The following TNFSF13 variants were observed in gnomAD, a reference collection of about 807,000 sequenced individuals.
The protein encoded by TNFSF13 is TNF superfamily member 13.
In TNFSF13, 18 loss-of-function variants were observed where a neutral mutation model predicts 30.7. The observed-to-expected ratio is 0.59, with a 90% CI of 0.41 to 0.87. The LOEUF (loss-of-function observed/expected upper bound fraction) is 0.87. Ranked by LOEUF, TNFSF13 falls within the 40% of genes least tolerant of loss-of-function variation. TNFSF13 has a pLI of 0.00. For synonymous variants in TNFSF13, 116 were observed against 123.2 expected (o/e 0.94, Z 0.39); for missense variants, 286 against 308.8 (o/e 0.93, Z 0.55).
At position 7,560,504 on chromosome 17, in the gene TNFSF13, G is replaced by C. The variant is rs781619220; in HGVS notation, c.643+16G>C. ...TATAGCGCAGGTGAGAGCCGTGTGG[G>C]CAGCCGAAAGCAGGACGTCTCTGAC... is the stretch of plus-strand genomic sequence containing the variant. On this transcript the variant is annotated intron_variant, in intron 5 of 5. Coordinates refer to ENST00000338784, the MANE Select transcript of TNFSF13 (RefSeq NM_003808.4). 6.2e-7 allele frequency: 1 copy of C among 1,613,904 alleles called. No homozygotes were observed. The highest frequency in any genetic ancestry group is 2.2e-5 in the East Asian group (1 of 44,872).
In TNFSF13 at chr17:7,559,837, TCTC is replaced by T; in HGVS notation, c.338-5_338-3del. On this transcript the variant is annotated splice_region_variant and splice_polypyrimidine_tract_variant and intron_variant, in intron 2 of 5. Transcript: ENST00000338784. The surrounding 1 kb of genome is among the most constrained non-coding windows in gnomAD (Gnocchi z 5.4). The stretch of plus-strand genomic sequence containing the variant: ...GGATGCGGCTGAGATTCCCTCCTTC[TCTC>T]CTCAGAGCAGCACTCTGTCCTGCAC... 1 of 1,613,926 alleles carries T rather than the reference TCTC, an allele frequency of 6.2e-7. No homozygotes were observed. The highest frequency in any genetic ancestry group is 8.5e-7 in the Non-Finnish European group (1 of 1,179,954).
In TNFSF13 at chr17:7,560,421, T is replaced by C; in HGVS notation, c.576T>C (p.Thr192=). 2 of 1,614,060 alleles carry C rather than the reference T, an allele frequency of 1.2e-6. No homozygotes were observed. Among genetic ancestry groups the C allele is most frequent in the African/African-American group, 1.3e-5 (1 of 75,038 alleles). ...VSREGQGRQE[T]LFRCIRSMPS... is the part of the protein sequence containing the mutation. ...GAGAAGGCCAAGGAAGGCAGGAGAC[T>C]CTATTCCGATGTATAAGAAGTATGC... is the stretch of plus-strand genomic sequence containing the variant. The change falls in exon 5 of 6, where the codon ACT becomes ACC. Residue 192 remains threonine (T), a synonymous_variant. Coordinates refer to ENST00000338784, the MANE Select transcript of TNFSF13 (RefSeq NM_003808.4).
At position 7,561,137 on chromosome 17, in the gene TNFSF13, C is replaced by A; in HGVS notation, c.*304C>A. The A allele has an allele frequency of 7.0e-7, 1 of 1,431,012 alleles. No individual in the cohort carries two copies. Among genetic ancestry groups the A allele is most frequent in the Non-Finnish European group, 9.6e-7 (1 of 1,040,352 alleles). The allele number at this position is 1,431,012 out of a possible 1,614,324, so 88.6% of individuals were successfully genotyped here. A position where few individuals can be genotyped will look rare whatever the true frequency, so the allele number is the denominator to read the frequency against. ...CCCACTGGAAGCATCCAGAACAGCACCACCATCTAGCGGCCGCTCGAGGGA... is the reference window on the plus strand; with the variant it reads ...CCCACTGGAAGCATCCAGAACAGCAACACCATCTAGCGGCCGCTCGAGGGA... On this transcript the variant is annotated 3_prime_UTR_variant, in exon 6 of 6. Coordinates refer to ENST00000338784, the MANE Select transcript of TNFSF13 (RefSeq NM_003808.4). This position sits in a 1 kb window ranked among gnomAD's most constrained non-coding sequence, Gnocchi z 4.4.
rs373266782 is a variant in TNFSF13, at chr17:7,560,161, T to C, written c.498T>C (p.Tyr166=). Reference sequence around the variant, plus strand: ...AGGATGCTGGAGTTTATCTGCTGTATAGCCAGGTAACCCCAGCCACACTCT... The same window carrying C: ...AGGATGCTGGAGTTTATCTGCTGTACAGCCAGGTAACCCCAGCCACACTCT... ...RIQDAGVYLL[Y]SQVLFQDVTF... is the part of the protein sequence containing the mutation. The change falls in exon 4 of 6, where the codon TAT becomes TAC. Residue 166 remains tyrosine (Y), a synonymous_variant. Coordinates refer to ENST00000338784, the MANE Select transcript of TNFSF13 (RefSeq NM_003808.4). The C allele has an allele frequency of 4.3e-6, 7 of 1,614,006 alleles. No homozygotes were observed. Among genetic ancestry groups the C allele is most frequent in the African/African-American group, 4.0e-5 (3 of 74,898 alleles).
chr17:7,561,519 T>G lies in TNFSF13; in HGVS notation c.*686T>G, dbSNP rs924054699. ...GGAGCCTCGGGTGTATCGTACGCCC[T>G]GGTGTTGGTGTTGCCTCACTCCTCT... On this transcript the variant is annotated 3_prime_UTR_variant, in exon 6 of 6. Transcript: ENST00000338784. This position sits in a 1 kb window ranked among gnomAD's most constrained non-coding sequence, Gnocchi z 4.4. 9.4e-5 allele frequency: 17 copies of G among 181,404 alleles called. No individual in the cohort carries two copies. Among genetic ancestry groups the G allele is most frequent in the Admixed American group, 3.8e-4 (7 of 18,444 alleles). 11.2% of individuals were successfully genotyped at this position (181,404 alleles called of 1,614,324 possible). A position where few individuals can be genotyped will look rare whatever the true frequency, so the allele number is the denominator to read the frequency against.
In TNFSF13 at chr17:7,560,821, T is replaced by C. The variant is rs1597835226; in HGVS notation, c.741T>C (p.Phe247=). The change falls in exon 6 of 6, where the codon TTT becomes TTC. Residue 247 remains phenylalanine (F), a synonymous_variant. Coordinates refer to ENST00000338784, the MANE Select transcript of TNFSF13 (RefSeq NM_003808.4). ...CTCCACATGGAACCTTCCTGGGGTT[T>C]GTGAAACTGTGATTGTGTTATAAAA... The part of the protein sequence containing the change: ...NLSPHGTFLG[F]VKL 11 of 1,614,002 alleles carry C rather than the reference T, an allele frequency of 6.8e-6. 1 individual carries two copies.
rs759785077 is a variant in TNFSF13, at chr17:7,561,042, C to G, written c.*209C>G. 6.2e-7 allele frequency: 1 copy of G among 1,613,954 alleles called. No homozygotes were observed. The highest frequency in any genetic ancestry group is 1.3e-5 in the African/African-American group (1 of 74,884). ...TCTTGCTTCTGTTCCCCATGGAGCT[C>G]CGAATTCTTGCGTGTGTGTAGATGA... On this transcript the variant is annotated 3_prime_UTR_variant, in exon 6 of 6. Coordinates refer to ENST00000338784, the MANE Select transcript of TNFSF13 (RefSeq NM_003808.4). This position sits in a 1 kb window ranked among gnomAD's most constrained non-coding sequence, Gnocchi z 4.4.
At chr17:7,558,683 C>T, upstream of TNFSF13, 1 of 167,640 alleles carries the variant, frequency 6.0e-6, no homozygotes, top group Non-Finnish European at 1.3e-5. This position sits in a 1 kb window ranked among gnomAD's most constrained non-coding sequence, Gnocchi z 4.3. Flanking sequence ...CTCTAGCCAG[C>T]CAACCTTCCC....
Position 7,559,746 on chromosome 17 carries a change from G to A in TNFSF13, c.337+44G>A, listed in dbSNP as rs2071145223. 2 of 1,613,748 alleles carry A rather than the reference G, an allele frequency of 1.2e-6. No homozygotes were observed. Among genetic ancestry groups the A allele is most frequent in the Non-Finnish European group, 1.7e-6 (2 of 1,179,888 alleles). On this transcript the variant is annotated intron_variant, in intron 2 of 5. Coordinates refer to ENST00000338784, the MANE Select transcript of TNFSF13 (RefSeq NM_003808.4). This position sits in a 1 kb window ranked among gnomAD's most constrained non-coding sequence, Gnocchi z 5.4. Reference sequence around the variant, plus strand: ...AGCAGGGGTGGGAGGTGATCAAGCAGCGTGGGGATTGTAAGCCCGAGTCAG... The same window carrying A: ...AGCAGGGGTGGGAGGTGATCAAGCAACGTGGGGATTGTAAGCCCGAGTCAG...
chr17:7,559,667 G>C lies in TNFSF13; in HGVS notation c.302G>C (p.Arg101Pro). 6.2e-7 allele frequency: 1 copy of C among 1,613,766 alleles called. No individual in the cohort carries two copies. The highest frequency in any genetic ancestry group is 8.5e-7 in the Non-Finnish European group (1 of 1,179,918). ...GCCTGGGAGAATGGGGAGAGATCCCGGAAAAGGAGAGCAGTGCTCACCCAA... is the reference window on the plus strand; with the variant it reads ...GCCTGGGAGAATGGGGAGAGATCCCCGAAAAGGAGAGCAGTGCTCACCCAA... ...LEAWENGERS[R>P]KRRAVLTQKQ... Residue 101 changes from arginine to proline, a missense_variant, in exon 2 of 6, where the codon CGG (arginine) becomes CCG (proline). Coordinates refer to ENST00000338784, the MANE Select transcript of TNFSF13 (RefSeq NM_003808.4). This position sits in a 1 kb window ranked among gnomAD's most constrained non-coding sequence, Gnocchi z 5.4.
rs1412773939 is a variant in TNFSF13, at chr17:7,560,338, C to T, written c.505-12C>T. On this transcript the variant is annotated splice_polypyrimidine_tract_variant and intron_variant, in intron 4 of 5. Coordinates refer to ENST00000338784, the MANE Select transcript of TNFSF13 (RefSeq NM_003808.4). ...CCATCCTGTTTTCTTCAACATCTCCCTTCCCTGCCAGGTCCTGTTTCAAGA... is the reference window on the plus strand; with the variant it reads ...CCATCCTGTTTTCTTCAACATCTCCTTTCCCTGCCAGGTCCTGTTTCAAGA... 2.5e-6 allele frequency: 4 copies of T among 1,614,064 alleles called. No homozygotes were observed. Among genetic ancestry groups the T allele is most frequent in the South Asian group, 2.2e-5 (2 of 91,080 alleles).
chr17:7,558,889 C>T lies in TNFSF13; in HGVS notation c.-151C>T. 1.0e-6 allele frequency: 1 copy of T among 961,316 alleles called. No individual in the cohort carries two copies. Among genetic ancestry groups the T allele is most frequent in the Non-Finnish European group, 1.5e-6 (1 of 688,506 alleles). 59.5% of individuals were successfully genotyped at this position (961,316 alleles called of 1,614,324 possible). On this transcript the variant is annotated 5_prime_UTR_variant, in exon 1 of 6. Transcript: ENST00000338784. This position sits in a 1 kb window ranked among gnomAD's most constrained non-coding sequence, Gnocchi z 4.3. ...AACAGTACCCTTAGCTTGCTTTCCTCCTCCCTCCTTTTTATTTTCAAGTTC... is the reference window on the plus strand; with the variant it reads ...AACAGTACCCTTAGCTTGCTTTCCTTCTCCCTCCTTTTTATTTTCAAGTTC...
chr17:7,559,069 C>A lies in TNFSF13; in HGVS notation c.30C>A (p.Ala10=). ...CAGCCTCATCTCCTTTCTTGCTAGCCCCCAAAGGGCCTCCAGGCAACATGG... is the reference window on the plus strand; with the variant it reads ...CAGCCTCATCTCCTTTCTTGCTAGCACCCAAAGGGCCTCCAGGCAACATGG... The part of the protein sequence containing the change: MPASSPFLL[A]PKGPPGNMGG... The change falls in exon 1 of 6, where the codon GCC becomes GCA. Residue 10 remains alanine (A), a synonymous_variant. Coordinates refer to ENST00000338784, the MANE Select transcript of TNFSF13 (RefSeq NM_003808.4). The surrounding 1 kb of genome is among the most constrained non-coding windows in gnomAD (Gnocchi z 5.4). 5.1e-6 allele frequency: 8 copies of A among 1,568,700 alleles called. No individual in the cohort carries two copies. The highest frequency in any genetic ancestry group is 5.2e-6 in the Non-Finnish European group (6 of 1,152,838).
Position 7,560,110 on chromosome 17 carries a change from G to A in TNFSF13, c.447G>A (p.Gln149=), listed in dbSNP as rs771481324. The change falls in exon 4 of 6, where the codon CAG becomes CAA. Residue 149 remains glutamine, a synonymous_variant. Coordinates refer to ENST00000338784, the MANE Select transcript of TNFSF13 (RefSeq NM_003808.4). The part of the protein sequence containing the change: ...QPALRRGRGL[Q]AQGYGVRIQD... ...CTCTTAGGCGTGGGAGAGGCCTACA[G>A]GCCCAAGGATATGGTGTCCGAATCC... The A allele has an allele frequency of 1.2e-6, 2 of 1,614,174 alleles. No individual in the cohort carries two copies. The highest frequency in any genetic ancestry group is 1.7e-6 in the Non-Finnish European group (2 of 1,180,026).
rs912919044 is a variant in TNFSF13 at position 7,561,289 on chromosome 17, C to T, written c.*456C>T. On this transcript the variant is annotated 3_prime_UTR_variant, in exon 6 of 6. Coordinates refer to ENST00000338784, the MANE Select transcript of TNFSF13 (RefSeq NM_003808.4). This position sits in a 1 kb window ranked among gnomAD's most constrained non-coding sequence, Gnocchi z 4.4. Reference sequence around the variant, plus strand: ...CCCCACAAGAAGCCTTATCCTACGTCCTTCTCTCCATCTATCGGACCCCAG... The same window carrying T: ...CCCCACAAGAAGCCTTATCCTACGTTCTTCTCTCCATCTATCGGACCCCAG... 4 of 535,110 alleles carry T rather than the reference C, an allele frequency of 7.5e-6. No homozygotes were observed. The highest frequency in any genetic ancestry group is 1.0e-5 in the Non-Finnish European group (3 of 298,572). The allele number at this position is 535,110 out of a possible 1,614,324, so 33.1% of individuals were successfully genotyped here. A position where few individuals can be genotyped will look rare whatever the true frequency, so the allele number is the denominator to read the frequency against.
intron 4 of TNFSF13, 67 bp downstream of exon 4, chr17:7,560,234 C>CCT (rs938148038): frequency 6.8e-5 from 110 of 1,611,736 alleles, no homozygotes; most frequent in Non-Finnish European, 2.0e-5. Context: ...GTTCCTGACC[C>CCT]CTCTATTCAT....
At position 7,561,119 on chromosome 17, in the gene TNFSF13, G is replaced by A. The variant is rs746007767; in HGVS notation, c.*286G>A. On this transcript the variant is annotated 3_prime_UTR_variant, in exon 6 of 6. Coordinates refer to ENST00000338784, the MANE Select transcript of TNFSF13 (RefSeq NM_003808.4). The surrounding 1 kb of genome is among the most constrained non-coding windows in gnomAD (Gnocchi z 4.4). ...GTCCAGACCTGGTCGGGGCCCACTG[G>A]AAGCATCCAGAACAGCACCACCATC... The A allele has an allele frequency of 6.5e-7, 1 of 1,534,514 alleles. No individual in the cohort carries two copies. Among genetic ancestry groups the A allele is most frequent in the African/African-American group, 1.4e-5 (1 of 73,172 alleles).
rs1392022539 is a variant in TNFSF13, at chr17:7,559,639, G to A, written c.274G>A (p.Glu92Lys). 1.2e-5 allele frequency: 20 copies of A among 1,613,472 alleles called. No individual in the cohort carries two copies. Among genetic ancestry groups the A allele is most frequent in the Non-Finnish European group, 1.7e-5 (20 of 1,179,926 alleles). ...CCATGAGCAGAGTTCCGATGCCCTG[G>A]AAGCCTGGGAGAATGGGGAGAGATC... is the stretch of plus-strand genomic sequence containing the variant. ...SLPEQSSDAL[E>K]AWENGERSRK... The change falls in exon 2 of 6, where the codon GAA becomes AAA. Residue 92 changes from glutamate to lysine, a missense_variant. Transcript: ENST00000338784. This position sits in a 1 kb window ranked among gnomAD's most constrained non-coding sequence, Gnocchi z 5.4.
In TNFSF13 at chr17:7,559,315, G is replaced by A; in HGVS notation, c.258+18G>A. 4 of 1,581,948 alleles carry A rather than the reference G, an allele frequency of 2.5e-6. No homozygotes were observed. The highest frequency in any genetic ancestry group is 1.7e-5 in the Admixed American group (1 of 57,402). ...CGGAGCAGGTGAGTGAGGGGAGGAGGGTGTCTGGGAGAGGATGGTTAGCAT... is the reference window on the plus strand; with the variant it reads ...CGGAGCAGGTGAGTGAGGGGAGGAGAGTGTCTGGGAGAGGATGGTTAGCAT... On this transcript the variant is annotated intron_variant, in intron 1 of 5. Transcript: ENST00000338784. This position sits in a 1 kb window ranked among gnomAD's most constrained non-coding sequence, Gnocchi z 5.4.
Sources: gnomAD v4.1 joint callset for allele counts on GRCh38, gnomAD v4.1.1 for gene constraint, Gnocchi (gnomAD v3.1) non-coding constraint, MANE v1.5 for transcripts, NCBI Gene and HGNC (gene_info 2026-07-23, HGNC 2026-07-21) for gene names.